Variants in L3MBTL4 observed in about 807,000 individuals in gnomAD.
L3MBTL4 encodes the protein L3MBTL histone methyl-lysine binding protein 4, also known as lethal(3)malignant brain tumor-like protein 4.
In L3MBTL4, 70 loss-of-function variants were observed where a neutral mutation model predicts 84.5. The ratio of observed to expected loss-of-function variants is 0.83; its 90% CI spans 0.68 to 1.01. The LOEUF is 1.01. Ranked by LOEUF, L3MBTL4 falls within the 50% of genes least tolerant of loss-of-function variation. The pLI, the probability that L3MBTL4 is intolerant of heterozygous loss-of-function variation, is 0.00. For missense variants in L3MBTL4, 715 were observed against 754.8 expected (o/e 0.95, Z 0.62); for synonymous variants, 274 against 259.8 (o/e 1.05, Z -0.52).
At chr18:5,960,027 T>C (rs8091432) in intron 18 of L3MBTL4, 67 bp downstream of exon 18, 13 of 301,280 alleles carry the variant, frequency 4.3e-5, no homozygotes, top group Middle Eastern at 9.9e-4. Flanking sequence ...TATATATACA[T>C]ATATATATAT....
At chr18:6,391,461 T>C (rs2055047043) in intron 1 of L3MBTL4, among the ~76,000 whole-genome samples, 1 of 152,076 alleles carries the variant, frequency 6.6e-6, no homozygotes, top group Non-Finnish European at 1.5e-5. Context: ...CTATTCAACA[T>C]AGTGATAGTA....
At chr18:6,384,142 G>A (rs567220629) in intron 1 of L3MBTL4, among the ~76,000 whole-genome samples, 27 of 152,234 alleles carry the variant, frequency 1.8e-4, no homozygotes, top group African/African-American at 6.0e-4. Context: ...TCATCAGAAG[G>A]AGGAAGCCAC....
rs75409411 is a variant in L3MBTL4 at position 6,324,144 on chromosome 18, A to T, written c.-90-12088T>A. 4.0e-3 allele frequency among the ~76,000 whole-genome samples: 608 copies of T among 152,326 alleles called. 8 individuals carry two copies. The highest frequency in any genetic ancestry group is 0.013 in the African/African-American group (561 of 41,574). ...CACATGGTGTTAAGCCCACAGGTGC[A>T]CAGAATTGAGGCTCAGGAGCCTCTA... On this transcript the variant is annotated intron_variant, in intron 1 of 18. Coordinates refer to ENST00000317931, the MANE Select transcript of L3MBTL4 (RefSeq NM_001330559.2).
chr18:6,332,494 T>A (rs977345727), intron 1 of L3MBTL4, among the ~76,000 whole-genome samples: 5 of 152,146 alleles, frequency 3.3e-5, no homozygotes, highest in Admixed American at 2.6e-4. Flanking sequence ...AAATTTACCC[T>A]CCTGGCCACA....
intron 16 of L3MBTL4, among the ~76,000 whole-genome samples, chr18:6,007,834 A>T (rs188570959): frequency 3.3e-5 from 5 of 152,272 alleles, no homozygotes; most frequent in Non-Finnish European, 5.9e-5. Flanking sequence ...TTCACAGGAT[A>T]TACTGTTATG....
chr18:6,203,246 T>C (rs1199940810), intron 12 of L3MBTL4, among the ~76,000 whole-genome samples: 1 of 152,012 alleles, frequency 6.6e-6, no homozygotes, highest in Non-Finnish European at 1.5e-5. Flanking sequence ...ACTACCCCAG[T>C]TCCCTCCACA....
At chr18:6,076,275 T>C (rs372353519) in intron 16 of L3MBTL4, among the ~76,000 whole-genome samples, 76 of 152,314 alleles carry the variant, frequency 5.0e-4, no homozygotes, top group African/African-American at 1.7e-3. Flanking sequence ...CTGAATAATA[T>C]GTAGCAATGA....
At chr18:6,302,079 G>A (rs1241290337) in intron 3 of L3MBTL4, 122 bp from the exon 4 acceptor site, 55 of 826,122 alleles carry the variant, frequency 6.7e-5, no homozygotes, top group Non-Finnish European at 1.1e-4. Flanking sequence ...GGCGGACAAC[G>A]CACACAATAC....
In L3MBTL4 at chr18:5,955,066, C is replaced by G. The variant is rs186362576; in HGVS notation, c.*1154G>C. On this transcript the variant is annotated 3_prime_UTR_variant, in exon 19 of 19. Coordinates refer to ENST00000317931, the MANE Select transcript of L3MBTL4 (RefSeq NM_001330559.2). ...CTCCCCACCCACAAATGGTGTCCCT[C>G]CACTTCTGGGAGAGTATTTGTAGCT... 2.6e-5 allele frequency: 4 copies of G among 152,330 alleles called. No individual in the cohort carries two copies. Among genetic ancestry groups the G allele is most frequent in the Admixed American group, 2.0e-4 (3 of 15,296 alleles). The allele number at this position is 152,330 out of a possible 1,614,324, so 9.4% of individuals were successfully genotyped here. A position where few individuals can be genotyped will look rare whatever the true frequency, so the allele number is the denominator to read the frequency against.
intron 13 of L3MBTL4, among the ~76,000 whole-genome samples, chr18:6,154,537 A>G (rs2043022675): frequency 1.3e-5 from 2 of 152,168 alleles, no homozygotes; most frequent in African/African-American, 2.4e-5. Flanking sequence ...CTCAGTCTCA[A>G]TATGTTCCTC....
intron 13 of L3MBTL4, among the ~76,000 whole-genome samples, chr18:6,146,505 C>A (rs2042660529): frequency 6.6e-6 from 1 of 152,216 alleles, no homozygotes; most frequent in African/African-American, 2.4e-5. Flanking sequence ...TGAACCTGCA[C>A]CTGGCCGCTG....
intron 1 of L3MBTL4, among the ~76,000 whole-genome samples, chr18:6,323,260 C>T (rs79203721): frequency 6.6e-6 from 1 of 152,048 alleles, no homozygotes; most frequent in African/African-American, 2.4e-5. Flanking sequence ...AAATTCATAC[C>T]AAGGAGTGGA....
At chr18:6,120,315 T>C (rs1323915708) in intron 14 of L3MBTL4, among the ~76,000 whole-genome samples, 1 of 151,852 alleles carries the variant, frequency 6.6e-6, no homozygotes, top group Non-Finnish European at 1.5e-5. Flanking sequence ...TCCTCTGGAG[T>C]GTCATGAGGT....
intron 12 of L3MBTL4, among the ~76,000 whole-genome samples, chr18:6,212,120 T>C (rs186081675): frequency 6.6e-6 from 1 of 152,176 alleles, no homozygotes; most frequent in African/African-American, 2.4e-5. Flanking sequence ...AATAAGAAGG[T>C]ATATGGTAAA....
chr18:6,108,016 T>C (rs576383476), intron 14 of L3MBTL4, among the ~76,000 whole-genome samples: 68 of 152,296 alleles, frequency 4.5e-4, no homozygotes, highest in Non-Finnish European at 5.7e-4. Flanking sequence ...AAGGAGCTGG[T>C]CTGAAGAGGC....
chr18:6,346,188 T>G (rs1166799331), intron 1 of L3MBTL4, among the ~76,000 whole-genome samples: 2 of 148,384 alleles, frequency 1.3e-5, no homozygotes, highest in Non-Finnish European at 3.0e-5. Context: ...AAAAATCAAT[T>G]CAAAATAGAT....
rs79286534 is a variant in L3MBTL4 at position 6,011,712 on chromosome 18, G to A, written c.1445-42150C>T. ...ATCCTCAACAAGCAAGTAGTCACTA[G>A]CAATTAATCAGACCAGCTCAAAGGA... On this transcript the variant is annotated intron_variant, in intron 16 of 18. Coordinates refer to ENST00000317931, the MANE Select transcript of L3MBTL4 (RefSeq NM_001330559.2). Among the ~76,000 whole-genome samples the A allele has an allele frequency of 2.0e-3, 300 of 152,300 alleles. 1 individual carries two copies. The highest frequency in any genetic ancestry group is 6.7e-3 in the African/African-American group (279 of 41,566).
chr18:6,068,111 G>A (rs543649516), intron 16 of L3MBTL4, among the ~76,000 whole-genome samples: 1 of 152,156 alleles, frequency 6.6e-6, no homozygotes, highest in African/African-American at 2.4e-5. Flanking sequence ...TTTCCCAGAC[G>A]CTGGTTGCAG....
chr18:5,956,325 G>A lies in L3MBTL4; in HGVS notation c.1740C>T (p.Ile580=), dbSNP rs2095226591. 6.2e-7 allele frequency: 1 copy of A among 1,614,004 alleles called. No homozygotes were observed. Among genetic ancestry groups the A allele is most frequent in the Admixed American group, 1.7e-5 (1 of 60,004 alleles). Reference sequence around the variant, plus strand: ...AAATCTTCAGTGCTGGGCCCAGTTTGATCTTCATCACTTTGACAATGTCCG... The same window carrying A: ...AAATCTTCAGTGCTGGGCCCAGTTTAATCTTCATCACTTTGACAATGTCCG... ...TQTDIVKVMK[I]KLGPALKIYN... The change falls in exon 19 of 19, where the codon ATC becomes ATT. Residue 580 remains isoleucine (I), a synonymous_variant. Coordinates refer to ENST00000317931, the MANE Select transcript of L3MBTL4 (RefSeq NM_001330559.2).
Sources: gnomAD v4.1 joint callset for allele counts (sites outside exome capture counted in the v4.1 genomes callset) on GRCh38, gnomAD v4.1.1 for gene constraint, MANE v1.5 for transcripts, NCBI Gene and HGNC (gene_info 2026-07-23, HGNC 2026-07-21) for gene names.